ZEB1: variants seen among roughly 807,000 people sequenced by gnomAD.
The protein encoded by ZEB1 is zinc finger E-box binding homeobox 1, also known as zinc finger E-box-binding homeobox 1.
ZEB1 carries 21 observed loss-of-function variants against 84.9 expected under a neutral mutation model. The observed-to-expected ratio is 0.25, with a 90% confidence interval of 0.18 to 0.36. ZEB1 has a LOEUF of 0.36. Among genes scored for constraint, ZEB1 ranks in the 10% least tolerant of loss-of-function variants. The pLI is 1.00. For missense variants in ZEB1, 1,104 were observed against 1,330.2 expected (o/e 0.83, Z 2.65); for synonymous variants, 420 against 471.1 (o/e 0.89, Z 1.41).
intron 1 of ZEB1, among the ~76,000 whole-genome samples, chr10:31,447,161 T>C (rs1265887537): frequency 1.3e-5 from 2 of 152,068 alleles, no homozygotes; most frequent in Non-Finnish European, 2.9e-5. Flanking sequence ...CCCTTTACCA[T>C]TATGTAATGG....
rs772177713 is a variant in ZEB1 at position 31,521,750 on chromosome 10, T to C, written c.2418T>C (p.Pro806=). ...CCAACCCCATAAATATCGCTATACC[T>C]ACAGTCACTGCCCAGTTACCCACAA... ...PSANPINIAI[P]TVTAQLPTIV... The change falls in exon 7 of 9, where the codon CCT becomes CCC. Residue 806 remains proline (P), a synonymous_variant. Transcript: ENST00000424869. 1.2e-6 allele frequency: 2 copies of C among 1,613,988 alleles called. No homozygotes were observed. The highest frequency in any genetic ancestry group is 2.7e-5 in the African/African-American group (2 of 74,918).
intron 1 of ZEB1, among the ~76,000 whole-genome samples, chr10:31,399,876 T>C (rs2051595810): frequency 6.6e-6 from 1 of 152,186 alleles, no homozygotes; most frequent in Non-Finnish European, 1.5e-5. Flanking sequence ...CACTGGCTTC[T>C]TTGCTGTTCT....
chr10:31,405,290 A>T (rs966523621), intron 1 of ZEB1, among the ~76,000 whole-genome samples: 2 of 152,176 alleles, frequency 1.3e-5, no homozygotes, highest in Non-Finnish European at 2.9e-5. Context: ...AAATTTTCTT[A>T]TGGAAGTGTC....
At chr10:31,338,511 G>A (rs1171925439) in intron 1 of ZEB1, among the ~76,000 whole-genome samples, 1 of 152,190 alleles carries the variant, frequency 6.6e-6, no homozygotes, top group Non-Finnish European at 1.5e-5. Context: ...AGATCTCTAA[G>A]AGGAGTATGT....
chr10:31,455,348 A>C (rs2061079320), intron 1 of ZEB1, among the ~76,000 whole-genome samples: 1 of 152,204 alleles, frequency 6.6e-6, no homozygotes, highest in South Asian at 2.1e-4. Flanking sequence ...GGTCATAGGC[A>C]TGGGCAAAGA....
At chr10:31,357,552 C>G (rs1439277880) in intron 1 of ZEB1, among the ~76,000 whole-genome samples, 2 of 152,126 alleles carry the variant, frequency 1.3e-5, no homozygotes, top group Non-Finnish European at 2.9e-5. Context: ...TTGAATAACT[C>G]TGCTCCCAAT....
intron 1 of ZEB1, among the ~76,000 whole-genome samples, chr10:31,418,110 A>C (rs2055528776): frequency 6.6e-6 from 1 of 151,994 alleles, no homozygotes; most frequent in South Asian, 2.1e-4. Flanking sequence ...GAAACAAAGT[A>C]ACAGTGTGTG....
intron 2 of ZEB1, among the ~76,000 whole-genome samples, chr10:31,466,541 G>T (rs1281991374): frequency 6.6e-6 from 1 of 151,908 alleles, no homozygotes; most frequent in Non-Finnish European, 1.5e-5. Flanking sequence ...GAAAGGGGAA[G>T]TAAAAAATAT....
chr10:31,484,892 A>G (rs2065518419), intron 2 of ZEB1, among the ~76,000 whole-genome samples: 1 of 151,970 alleles, frequency 6.6e-6, no homozygotes. Flanking sequence ...TTAGGTTATC[A>G]TGTAATCCAA....
At chr10:31,484,867 G>GA (rs1243792590) in intron 2 of ZEB1, among the ~76,000 whole-genome samples, 1 of 151,908 alleles carries the variant, frequency 6.6e-6, no homozygotes, top group African/African-American at 2.4e-5. Flanking sequence ...ACAACTTAGA[G>GA]AAAAAATATG....
At chr10:31,352,846 A>G (rs1384626745) in intron 1 of ZEB1, among the ~76,000 whole-genome samples, 2 of 152,260 alleles carry the variant, frequency 1.3e-5, no homozygotes, top group Non-Finnish European at 2.9e-5. Flanking sequence ...TCACAAGGCC[A>G]GCCCAGATCA....
chr10:31,381,231 T>C (rs914121343), intron 1 of ZEB1, among the ~76,000 whole-genome samples: 1 of 152,176 alleles, frequency 6.6e-6, no homozygotes, highest in Non-Finnish European at 1.5e-5. Flanking sequence ...ACATGATTAA[T>C]TATCTAGAAA....
At chr10:31,454,389 A>G (rs2060950087) in intron 1 of ZEB1, among the ~76,000 whole-genome samples, 1 of 152,198 alleles carries the variant, frequency 6.6e-6, no homozygotes, top group Admixed American at 6.5e-5. Context: ...CCTATTCAAC[A>G]TAGTGTTGGA....
In ZEB1 at chr10:31,526,876, C is replaced by T; in HGVS notation, c.2990C>T (p.Thr997Ile). 1 of 1,614,170 alleles carries T rather than the reference C, an allele frequency of 6.2e-7. No individual in the cohort carries two copies. Among genetic ancestry groups the T allele is most frequent in the East Asian group, 2.2e-5 (1 of 44,846 alleles). The change falls in exon 9 of 9, where the codon ACA (threonine) becomes ATA (isoleucine). Residue 997 changes from threonine to isoleucine, a missense_variant. By Grantham distance (89) the Thr-to-Ile change is moderately conservative. Transcript: ENST00000424869. ...CKREAEERDS[T>I]EQEEAGPEIL... ...AGAGAAGCGGAAGAACGTGACAGCACAGAGCAGGAAGAGGCAGGGCCTGAA... is the reference window on the plus strand; with the variant it reads ...AGAGAAGCGGAAGAACGTGACAGCATAGAGCAGGAAGAGGCAGGGCCTGAA...
chr10:31,518,657 A>G (rs1175872263), intron 6 of ZEB1, among the ~76,000 whole-genome samples: 2 of 152,152 alleles, frequency 1.3e-5, no homozygotes, highest in African/African-American at 4.8e-5. Context: ...AGAAAATACT[A>G]TGTGATGGAG....
chr10:31,420,937 G>A (rs1400347441), intron 1 of ZEB1, among the ~76,000 whole-genome samples: 2 of 152,144 alleles, frequency 1.3e-5, no homozygotes, highest in African/African-American at 2.4e-5. Flanking sequence ...AGTCCAGCCT[G>A]TTTCTTGACC....
At chr10:31,326,231 A>G (rs959933717) in intron 1 of ZEB1, among the ~76,000 whole-genome samples, 6 of 152,134 alleles carry the variant, frequency 3.9e-5, no homozygotes, top group Admixed American at 6.5e-5. Context: ...AAATCCTTCA[A>G]GGAGTAGATT....
At chr10:31,383,752 A>G (rs1424806703) in intron 1 of ZEB1, among the ~76,000 whole-genome samples, 3 of 152,126 alleles carry the variant, frequency 2.0e-5, no homozygotes, top group Non-Finnish European at 4.4e-5. Flanking sequence ...TTTTCGAACA[A>G]TGAAGCTATA....
intron 1 of ZEB1, among the ~76,000 whole-genome samples, chr10:31,441,456 A>G (rs572180914): frequency 1.3e-5 from 2 of 152,344 alleles, no homozygotes; most frequent in South Asian, 2.1e-4. Context: ...TAAAAACCCT[A>G]GAAGAAAACC....
Sources: allele counts gnomAD v4.1 joint callset (sites outside exome capture counted in the v4.1 genomes callset), GRCh38; gene constraint gnomAD v4.1.1; transcripts MANE v1.5; gene names NCBI Gene and HGNC (gene_info 2026-07-23, HGNC 2026-07-21).